WDPCP: variants seen among roughly 807,000 people sequenced by gnomAD.
The protein encoded by WDPCP is WD repeat containing planar cell polarity effector.
WDPCP carries 71 observed loss-of-function variants against 93.1 expected under a neutral mutation model. The ratio of observed to expected loss-of-function variants is 0.76; its 90% CI spans 0.63 to 0.93. The LOEUF (loss-of-function observed/expected upper bound fraction) is 0.93, where lower values mean the gene tolerates loss of function less well. WDPCP is among the 40% of genes least tolerant of loss of function. The pLI is 0.00. For missense variants in WDPCP, 844 were observed against 887.4 expected, an observed-to-expected ratio of 0.95 and a Z score of 0.62; for synonymous variants, 315 against 315.0, an observed-to-expected ratio of 1.00 and a Z score of 0.00.
chr2:63,668,984 G>A (rs1710315788), intron 2 of WDPCP, among the ~76,000 whole-genome samples: 1 of 152,160 alleles, frequency 6.6e-6, no homozygotes, highest in Non-Finnish European at 1.5e-5. Flanking sequence ...CTGCCAGCAT[G>A]CTTTTGGCTA....
chr2:63,467,374 G>A (rs997125197), intron 6 of WDPCP, among the ~76,000 whole-genome samples: 7 of 152,000 alleles, frequency 4.6e-5, no homozygotes, highest in African/African-American at 1.7e-4. Flanking sequence ...CAGCTGCTCA[G>A]GAGGCTGAGG....
chr2:63,773,987 A>G (rs2103953912), intron 2 of WDPCP, among the ~76,000 whole-genome samples: 1 of 152,258 alleles, frequency 6.6e-6, no homozygotes, highest in African/African-American at 2.4e-5. Flanking sequence ...ACTTAAAAAT[A>G]TAGTAAGTCA....
At chr2:63,447,177 A>G (rs1030573901) in intron 6 of WDPCP, among the ~76,000 whole-genome samples, 1 of 152,308 alleles carries the variant, frequency 6.6e-6, no homozygotes, top group Admixed American at 6.5e-5. Flanking sequence ...TAGGAAAAAA[A>G]CAAGAGTAGT....
intron 2 of WDPCP, among the ~76,000 whole-genome samples, chr2:63,658,357 G>C (rs980417700): frequency 3.9e-5 from 6 of 152,198 alleles, no homozygotes; most frequent in African/African-American, 1.2e-4. Context: ...AATAGCTTCA[G>C]AAAGTCCTTA....
intron 14 of WDPCP, among the ~76,000 whole-genome samples, chr2:63,239,633 A>C (rs1299287745): frequency 6.6e-6 from 1 of 152,172 alleles, no homozygotes; most frequent in Non-Finnish European, 1.5e-5. Flanking sequence ...AAATATCTGT[A>C]AGAGGTCCAA....
intron 1 of WDPCP, among the ~76,000 whole-genome samples, chr2:63,494,470 A>G (rs1701095526): frequency 6.6e-6 from 1 of 152,136 alleles, no homozygotes; most frequent in Non-Finnish European, 1.5e-5. Flanking sequence ...TAATGAGGAA[A>G]CTTAGGCACA....
At chr2:63,790,805 C>T (rs1015924286) in intron 2 of WDPCP, among the ~76,000 whole-genome samples, 3 of 152,166 alleles carry the variant, frequency 2.0e-5, no homozygotes, top group African/African-American at 7.2e-5. Context: ...CTGGACTCTT[C>T]TATGCTACTT....
chr2:63,747,340 T>G (rs1486637048), intron 2 of WDPCP, among the ~76,000 whole-genome samples: 1 of 152,184 alleles, frequency 6.6e-6, no homozygotes, highest in East Asian at 1.9e-4. Context: ...CTTTTTGTAC[T>G]TTGTTCAAGA....
intron 13 of WDPCP, among the ~76,000 whole-genome samples, chr2:63,302,503 T>G (rs1194355194): frequency 6.6e-6 from 1 of 152,144 alleles, no homozygotes; most frequent in Non-Finnish European, 1.5e-5. Flanking sequence ...AAAATTAATT[T>G]CCCAACCATT....
At chr2:63,375,706 A>C (rs899512093) in intron 12 of WDPCP, among the ~76,000 whole-genome samples, 1 of 151,998 alleles carries the variant, frequency 6.6e-6, no homozygotes, top group Non-Finnish European at 1.5e-5. Flanking sequence ...ATTGTATATA[A>C]AACATTTATT....
chr2:63,575,992 A>G (rs1708086213), intron 1 of WDPCP, among the ~76,000 whole-genome samples: 1 of 152,106 alleles, frequency 6.6e-6, no homozygotes, highest in Admixed American at 6.6e-5. Flanking sequence ...CACACAGTTA[A>G]GTAATTTTAT....
intron 12 of WDPCP, among the ~76,000 whole-genome samples, chr2:63,332,657 A>G (rs1186480895): frequency 1.3e-5 from 2 of 152,240 alleles, no homozygotes; most frequent in Non-Finnish European, 2.9e-5. Context: ...TTTATCAGAT[A>G]CATATATTGA....
chr2:63,244,967 C>A (rs79357683), intron 14 of WDPCP, among the ~76,000 whole-genome samples: 13,297 of 152,104 alleles, frequency 0.087, 778 homozygotes, highest in African/African-American at 0.16. Flanking sequence ...TCCAAAAATC[C>A]AAAATCTGAA....
chr2:63,245,047 G>A (rs1356546111), intron 14 of WDPCP, among the ~76,000 whole-genome samples: 2 of 152,076 alleles, frequency 1.3e-5, no homozygotes, highest in East Asian at 1.9e-4. Flanking sequence ...ACATCTGACC[G>A]CCTGTGACAG....
Position 63,153,538 on chromosome 2 carries a change from GT to G in WDPCP, c.2114del (p.Asp705AlafsTer7). 6.2e-7 allele frequency: 1 copy of G among 1,612,418 alleles called. No homozygotes were observed. The highest frequency in any genetic ancestry group is 8.5e-7 in the Non-Finnish European group (1 of 1,179,106). On this transcript the variant is annotated frameshift_variant, in exon 16 of 18. Coordinates refer to ENST00000272321, the MANE Select transcript of WDPCP (RefSeq NM_015910.7). LOFTEE classifies it high-confidence loss of function. The stretch of plus-strand genomic sequence containing the variant: ...TAGTCATCAAAAATCCAGAACAGAT[GT>G]CTTTTTCAAGTTCATTCCTTCTGTC... ...IIDRRNELEK[D>X]ICSGFLMTNT...
At chr2:63,392,531 C>A (rs1464071630) in intron 10 of WDPCP, among the ~76,000 whole-genome samples, 1 of 152,118 alleles carries the variant, frequency 6.6e-6, no homozygotes, top group Non-Finnish European at 1.5e-5. Flanking sequence ...CCAAAATTGA[C>A]AAATGGGATC....
intron 17 of WDPCP, among the ~76,000 whole-genome samples, chr2:63,140,444 G>T (rs1167649492): frequency 6.6e-6 from 1 of 152,090 alleles, no homozygotes; most frequent in Non-Finnish European, 1.5e-5. Context: ...CCATTCATGA[G>T]CATGGGATGT....
chr2:63,126,397 A>C (rs1669904288), intron 17 of WDPCP, among the ~76,000 whole-genome samples: 1 of 152,234 alleles, frequency 6.6e-6, no homozygotes, highest in Non-Finnish European at 1.5e-5. Context: ...TTAATCATGT[A>C]ATATTACTAA....
At chr2:63,786,873 C>T (rs189760175) in intron 2 of WDPCP, among the ~76,000 whole-genome samples, 461 of 152,108 alleles carry the variant, frequency 3.0e-3, no homozygotes, top group Admixed American at 6.4e-3. Flanking sequence ...GAAAAACAAA[C>T]ACAGGGAATT....
Sources: gnomAD v4.1 joint callset for allele counts (sites outside exome capture counted in the v4.1 genomes callset) on GRCh38, gnomAD v4.1.1 for gene constraint, MANE v1.5 for transcripts, NCBI Gene and HGNC (gene_info 2026-07-23, HGNC 2026-07-21) for gene names.